The following GALK2 variants were observed in gnomAD, a reference collection of about 807,000 sequenced individuals.
GALK2 encodes N-acetylgalactosamine kinase.
GALK2 carries 36 observed loss-of-function variants against 52.4 expected under a neutral mutation model. The observed-to-expected ratio is 0.69, with a 90% CI of 0.53 to 0.91. GALK2 has a LOEUF of 0.91. GALK2 is among the 40% of genes least tolerant of loss of function. The pLI, the probability that GALK2 is intolerant of heterozygous loss-of-function variation, is 0.00. For synonymous variants in GALK2, 176 were observed against 199.1 expected (o/e 0.88, Z 0.98); for missense variants, 579 against 559.1 (o/e 1.04, Z -0.36).
chr15:49,323,422 G>A (rs1221059673), intron 9 of GALK2, among the ~76,000 whole-genome samples: 1 of 152,058 alleles, frequency 6.6e-6, no homozygotes, highest in African/African-American at 2.4e-5. Flanking sequence ...GGAGGAGGAG[G>A]GAAGCTGAAA....
chr15:49,365,106 G>C (rs2044896242), intron 3 of GALK2: 1 of 682,110 alleles, frequency 1.5e-6, no homozygotes, highest in South Asian at 1.8e-5. Context: ...ACACATTATA[G>C]CAGTTCCACA....
chr15:49,242,255 T>A lies in GALK2; in HGVS notation c.504+2888T>A, dbSNP rs142919885. 3.3e-5 allele frequency among the ~76,000 whole-genome samples: 5 copies of A among 152,260 alleles called. No homozygotes were observed. The East Asian group carries it at 9.7e-4, about 29-fold the overall frequency. The stretch of plus-strand genomic sequence containing the variant: ...ACTGAAGAGAGTTTAATAAAGAGAC[T>A]TTTACAGAGATGTGGGTAAGGTCAA... On this transcript the variant is annotated intron_variant, in intron 5 of 9. Transcript: ENST00000560031.
chr15:49,354,093 T>C (rs2042673266), intron 3 of GALK2: 1 of 152,248 alleles, frequency 6.6e-6, no homozygotes, highest in South Asian at 2.1e-4. Context: ...ACATCACAGA[T>C]AATTCACAAC....
At chr15:49,244,142 A>G (rs888420820) in intron 5 of GALK2, among the ~76,000 whole-genome samples, 3 of 152,092 alleles carry the variant, frequency 2.0e-5, no homozygotes, top group South Asian at 4.2e-4. Flanking sequence ...GGGCCTCTCT[A>G]TGTTGCCCAG....
chr15:49,313,545 G>A (rs1310036947), intron 8 of GALK2, among the ~76,000 whole-genome samples: 1 of 152,202 alleles, frequency 6.6e-6, no homozygotes, highest in African/African-American at 2.4e-5. Context: ...TCTTCTTGGT[G>A]CACCTTCAGC....
intron 5 of GALK2, among the ~76,000 whole-genome samples, chr15:49,251,879 T>C (rs2091617140): frequency 6.6e-6 from 1 of 152,232 alleles, no homozygotes. Flanking sequence ...AAAAGATTTT[T>C]AATGAATCCT....
chr15:49,296,409 G>T (rs1242468730), intron 8 of GALK2, among the ~76,000 whole-genome samples: 3 of 152,114 alleles, frequency 2.0e-5, no homozygotes, highest in Admixed American at 6.5e-5. Flanking sequence ...AATTTGTTTA[G>T]GATAATGTCC....
At chr15:49,251,687 C>T (rs12916078) in intron 5 of GALK2, among the ~76,000 whole-genome samples, 10,011 of 152,240 alleles carry the variant, frequency 0.066, 447 homozygotes, top group East Asian at 0.17. Context: ...CACCAGCAAC[C>T]ATCATTCCAC....
chr15:49,210,979 A>T (rs1595682186), intron 2 of GALK2, among the ~76,000 whole-genome samples: 4 of 147,762 alleles, frequency 2.7e-5, no homozygotes, highest in Non-Finnish European at 3.0e-5. Flanking sequence ...ACACTCACAC[A>T]CACACACACA....
chr15:49,317,402 G>A lies in GALK2; in HGVS notation c.968-2202G>A, dbSNP rs2036509757. On this transcript the variant is annotated intron_variant, in intron 8 of 9. Transcript: ENST00000560031. Reference sequence around the variant, plus strand: ...TAGAAAGGCGGTTATTAAAAAGTCAGGAAGCAATAGATGCTGGAGAGGATG... The same window carrying A: ...TAGAAAGGCGGTTATTAAAAAGTCAAGAAGCAATAGATGCTGGAGAGGATG... Among the ~76,000 whole-genome samples the A allele has an allele frequency of 2.0e-5, 3 of 151,390 alleles. 1 individual carries two copies. The highest frequency in any genetic ancestry group is 2.0e-4 in the Admixed American group (3 of 15,186).
intron 1 of GALK2, among the ~76,000 whole-genome samples, chr15:49,198,654 T>C (rs2087449804): frequency 6.6e-6 from 1 of 152,186 alleles, no homozygotes. Context: ...CTTTTACCTC[T>C]TGCCTATTTA....
chr15:49,212,682 A>G (rs1278762627), intron 2 of GALK2, among the ~76,000 whole-genome samples: 1 of 151,892 alleles, frequency 6.6e-6, no homozygotes, highest in Non-Finnish European at 1.5e-5. Flanking sequence ...TGTATCATGG[A>G]GATTTTGATC....
At chr15:49,358,558 C>G (rs1458875377) in intron 3 of GALK2, among the ~76,000 whole-genome samples, 2 of 149,196 alleles carry the variant, frequency 1.3e-5, no homozygotes, top group African/African-American at 2.5e-5. Flanking sequence ...TCAAGGAGAA[C>G]TACAAACCAC....
At chr15:49,189,233 A>G (rs1236971813) in intron 1 of GALK2, among the ~76,000 whole-genome samples, 2 of 152,216 alleles carry the variant, frequency 1.3e-5, no homozygotes, top group Admixed American at 1.3e-4. Context: ...TGCTCTTTTA[A>G]CCTTAAATAC....
At chr15:49,187,161 C>T (rs2086412983) in intron 1 of GALK2, among the ~76,000 whole-genome samples, 1 of 152,224 alleles carries the variant, frequency 6.6e-6, no homozygotes, top group African/African-American at 2.4e-5. Context: ...GGGTACCCCA[C>T]ACCCAGTAAC....
chr15:49,259,718 A>C (rs1343677213), intron 5 of GALK2, among the ~76,000 whole-genome samples: 1 of 131,490 alleles, frequency 7.6e-6, no homozygotes, highest in Non-Finnish European at 1.6e-5. Flanking sequence ...TCCCAATGCT[A>C]TCCCTCCCCC....
In GALK2 at chr15:49,201,771, C is replaced by A. The variant is rs1207537394; in HGVS notation, c.142+521C>A. ...TGTTTACTATCATTTTATCAATGTC[C>A]CTATATATAATAATTGACATAGTTG... On this transcript the variant is annotated intron_variant, in intron 2 of 9. Transcript: ENST00000560031. Among the ~76,000 whole-genome samples the A allele has an allele frequency of 4.6e-5, 7 of 152,172 alleles. 1 individual carries two copies. The East Asian group carries it at 1.4e-3, about 29-fold the overall frequency.
intron 2 of GALK2, among the ~76,000 whole-genome samples, chr15:49,211,932 A>G (rs2088935001): frequency 6.6e-6 from 1 of 152,168 alleles, no homozygotes; most frequent in South Asian, 2.1e-4. Context: ...AAGCCATATC[A>G]TATGGGTCTA....
At chr15:49,305,723 A>T (rs2035493573) in intron 8 of GALK2, among the ~76,000 whole-genome samples, 1 of 152,218 alleles carries the variant, frequency 6.6e-6, no homozygotes, top group Non-Finnish European at 1.5e-5. Flanking sequence ...GAGGATGAAG[A>T]TCACAAGGGA....
Sources: allele counts gnomAD v4.1 joint callset (sites outside exome capture counted in the v4.1 genomes callset), GRCh38; gene constraint gnomAD v4.1.1; transcripts MANE v1.5; gene names NCBI Gene and HGNC (gene_info 2026-07-23, HGNC 2026-07-21).